SLC2A13: variants seen among roughly 807,000 people sequenced by gnomAD.
SLC2A13 encodes the protein proton myo-inositol cotransporter.
Under a neutral mutation model 64.4 loss-of-function variants are expected in SLC2A13, and 32 were observed. That is an observed-to-expected ratio of 0.50 (90% CI 0.37 to 0.67). The LOEUF (loss-of-function observed/expected upper bound fraction) is 0.67. Among genes scored for constraint, SLC2A13 ranks in the 30% least tolerant of loss-of-function variants. SLC2A13 has a pLI of 0.00. For missense variants in SLC2A13, 743 were observed against 829.2 expected (o/e 0.90, Z 1.28); for synonymous variants, 338 against 327.1 (o/e 1.03, Z -0.36).
At chr12:40,065,377 T>C (rs991440024) in intron 1 of SLC2A13, among the ~76,000 whole-genome samples, 1 of 151,776 alleles carries the variant, frequency 6.6e-6, no homozygotes, top group African/African-American at 2.4e-5. Flanking sequence ...AGCTCAGGAG[T>C]TCCAGACCAG....
intron 7 of SLC2A13, among the ~76,000 whole-genome samples, chr12:39,812,573 A>G (rs1942208780): frequency 6.6e-6 from 1 of 151,584 alleles, no homozygotes; most frequent in African/African-American, 2.4e-5. Context: ...CTGAGATTCA[A>G]GCGATTCTCC....
At chr12:39,914,651 T>C (rs1945491995) in intron 4 of SLC2A13, among the ~76,000 whole-genome samples, 1 of 151,936 alleles carries the variant, frequency 6.6e-6, no homozygotes, top group Non-Finnish European at 1.5e-5. Flanking sequence ...CTGCAATTAC[T>C]TTTGCACCAA....
chr12:39,974,215 A>G (rs1046247929), intron 3 of SLC2A13, among the ~76,000 whole-genome samples: 1 of 152,248 alleles, frequency 6.6e-6, no homozygotes, highest in African/African-American at 2.4e-5. Flanking sequence ...TGCAGATCCC[A>G]GAACTGATAA....
At chr12:39,942,702 A>T (rs1946056001) in intron 4 of SLC2A13, among the ~76,000 whole-genome samples, 1 of 152,186 alleles carries the variant, frequency 6.6e-6, no homozygotes, top group African/African-American at 2.4e-5. Flanking sequence ...GGGTGAGAAC[A>T]TGCTCCTTTA....
intron 1 of SLC2A13, among the ~76,000 whole-genome samples, chr12:40,082,335 CT>C (rs1335087593): frequency 6.6e-6 from 1 of 152,228 alleles, no homozygotes; most frequent in African/African-American, 2.4e-5. Flanking sequence ...CCCAATCTGC[CT>C]GCTGTTGCTT....
At chr12:39,972,481 C>G in intron 3 of SLC2A13, among the ~76,000 whole-genome samples, 1 of 152,154 alleles carries the variant, frequency 6.6e-6, no homozygotes. Flanking sequence ...TGCAATCTCC[C>G]TGCATCTTGG....
chr12:39,923,631 C>T (rs763019317), intron 4 of SLC2A13, among the ~76,000 whole-genome samples: 5 of 149,970 alleles, frequency 3.3e-5, no homozygotes, highest in Non-Finnish European at 5.9e-5. Context: ...ATTGTACGCT[C>T]AAGAATGGTA....
chr12:39,911,293 G>A (rs555394646), intron 4 of SLC2A13, among the ~76,000 whole-genome samples: 86 of 152,180 alleles, frequency 5.7e-4, no homozygotes, highest in African/African-American at 2.0e-3. Flanking sequence ...CTTTGCTTAA[G>A]TGAGCTGGCT....
chr12:40,102,752 G>A (rs2136310378), intron 1 of SLC2A13, among the ~76,000 whole-genome samples: 1 of 152,190 alleles, frequency 6.6e-6, no homozygotes, highest in East Asian at 1.9e-4. Context: ...CAAGCAAACT[G>A]ATTTAATGTC....
At chr12:40,012,992 G>C (rs1028294067) in intron 3 of SLC2A13, among the ~76,000 whole-genome samples, 9 of 152,160 alleles carry the variant, frequency 5.9e-5, no homozygotes, top group African/African-American at 2.2e-4. Flanking sequence ...GAGTTGGTAA[G>C]AAAAATCCTG....
rs539999926 is a variant in SLC2A13, at chr12:39,998,501, G to C, written c.925+29800C>G. On this transcript the variant is annotated intron_variant, in intron 3 of 9. Transcript: ENST00000280871. ...CCTGGATGTGAGACATGGAGTCAAA[G>C]GAGATCATTTTGGAGCTTTAAATAT... Among the ~76,000 whole-genome samples the C allele has an allele frequency of 2.0e-5, 3 of 152,208 alleles. No individual in the cohort carries two copies. The East Asian group carries it at 5.8e-4, about 29-fold the overall frequency.
At chr12:39,817,257 G>C (rs1355506797) in intron 7 of SLC2A13, among the ~76,000 whole-genome samples, 1 of 152,130 alleles carries the variant, frequency 6.6e-6, no homozygotes, top group Non-Finnish European at 1.5e-5. Context: ...ACCAATTCCG[G>C]GTTGCTCATT....
rs750969761 is a variant in SLC2A13, at chr12:39,833,753, T to G, written c.1320-3525A>C. ...CCAAACACCCACAATTCTCTTCAAA[T>G]CTCAATCCTTATTCCTCCACAAATT... is the stretch of plus-strand genomic sequence containing the variant. On this transcript the variant is annotated intron_variant, in intron 6 of 9. Coordinates refer to ENST00000280871, the MANE Select transcript of SLC2A13 (RefSeq NM_052885.4). Among the ~76,000 whole-genome samples the G allele has an allele frequency of 2.0e-5, 3 of 152,040 alleles. 1 individual carries two copies. The highest frequency in any genetic ancestry group is 7.2e-5 in the African/African-American group (3 of 41,406).
At chr12:39,894,588 A>C (rs555420050) in intron 4 of SLC2A13, among the ~76,000 whole-genome samples, 1 of 152,356 alleles carries the variant, frequency 6.6e-6, no homozygotes, top group Non-Finnish European at 1.5e-5. Flanking sequence ...AGACAGACTA[A>C]AATTTCTAAC....
At chr12:40,090,832 G>T (rs1197575930) in intron 1 of SLC2A13, among the ~76,000 whole-genome samples, 1 of 152,042 alleles carries the variant, frequency 6.6e-6, no homozygotes, top group Non-Finnish European at 1.5e-5. Flanking sequence ...AAGTCCTTTA[G>T]ATTTGTCTAT....
chr12:39,886,288 C>G lies in SLC2A13; in HGVS notation c.1035-14327G>C, dbSNP rs531312102. Among the ~76,000 whole-genome samples, 173 of 152,122 alleles carry G rather than the reference C, an allele frequency of 1.1e-3. 3 individuals carry two copies. Among genetic ancestry groups the G allele is most frequent in the Middle Eastern group, 6.8e-3 (2 of 294 alleles). On this transcript the variant is annotated intron_variant, in intron 4 of 9. Transcript: ENST00000280871. ...TGGCTTGATGCGGGCATATTGACAG[C>G]GCTGTGCCCTTTGATGTTCAAAGGG...
intron 7 of SLC2A13, among the ~76,000 whole-genome samples, chr12:39,790,517 A>G (rs1361147091): frequency 1.3e-5 from 2 of 149,742 alleles, no homozygotes; most frequent in African/African-American, 2.5e-5. Flanking sequence ...ATGGTTTCCA[A>G]TTTCATCCAT....
chr12:39,848,792 C>T (rs1943389136), intron 6 of SLC2A13, among the ~76,000 whole-genome samples: 2 of 152,134 alleles, frequency 1.3e-5, no homozygotes, highest in South Asian at 4.1e-4. Flanking sequence ...CAATGAAAGA[C>T]TGGATAAAGA....
intron 1 of SLC2A13, among the ~76,000 whole-genome samples, chr12:40,060,370 C>T (rs565572951): frequency 2.0e-5 from 3 of 152,104 alleles, no homozygotes; most frequent in African/African-American, 4.8e-5. Context: ...TGTAAAGGAT[C>T]CCCAAAATCC....
Sources: gnomAD v4.1 joint callset for allele counts (sites outside exome capture counted in the v4.1 genomes callset) on GRCh38, gnomAD v4.1.1 for gene constraint, MANE v1.5 for transcripts, NCBI Gene and HGNC (gene_info 2026-07-23, HGNC 2026-07-21) for gene names.